Variants in COL1A2 observed in about 807,000 individuals in gnomAD.
COL1A2 encodes collagen alpha-2(I) chain.
Under a neutral mutation model 174.3 loss-of-function variants are expected in COL1A2, and 49 were observed. The observed-to-expected ratio is 0.28, with a 90% CI of 0.22 to 0.36. The LOEUF (loss-of-function observed/expected upper bound fraction) is 0.36, where lower values mean the gene tolerates loss of function less well. Ranked by LOEUF, COL1A2 falls within the 10% of genes least tolerant of loss-of-function variation. The pLI, the probability that COL1A2 is intolerant of heterozygous loss-of-function variation, is 1.00. For missense variants in COL1A2, 1,438 were observed against 1,822.7 expected (o/e 0.79, Z 3.84); for synonymous variants, 655 against 606.6 (o/e 1.08, Z -1.17).
chr7:94,423,626 C>G, intron 40 of COL1A2: 1 of 172,220 alleles, frequency 5.8e-6, no homozygotes, highest in South Asian at 1.3e-4. Flanking sequence ...ATGGAGTTCC[C>G]CTCTGTTGCC....
intron 5 of COL1A2, 31 bp downstream of exon 5, chr7:94,400,319 G>C: frequency 6.4e-7 from 1 of 1,572,334 alleles, no homozygotes; most frequent in Non-Finnish European, 8.8e-7. Flanking sequence ...CTAACTTTTA[G>C]CTAACTTCAG....
At chr7:94,424,042 C>T in intron 40 of COL1A2, 1 of 383,348 alleles carries the variant, frequency 2.6e-6, no homozygotes, top group Non-Finnish European at 4.9e-6. Flanking sequence ...GTTTCCCTGC[C>T]TAGAGGCTAT....
intron 24 of COL1A2, 122 bp from the exon 25 acceptor site, chr7:94,412,462 G>T: frequency 1.3e-6 from 1 of 774,306 alleles, no homozygotes; most frequent in Non-Finnish European, 2.2e-6. Flanking sequence ...ATTTATTAAC[G>T]CTTTATACAA....
In COL1A2 at chr7:94,426,554, C is replaced by G. The variant is rs761406307; in HGVS notation, c.3105+24C>G. On this transcript the variant is annotated intron_variant, in intron 46 of 51. Transcript: ENST00000297268. ...CTGTAAGTAAACTGTAGCCATCTCG[C>G]ACATAAACTGATCCTGAAGGCCTTC... is the stretch of plus-strand genomic sequence containing the variant. 4 of 1,549,416 alleles carry G rather than the reference C, an allele frequency of 2.6e-6. No homozygotes were observed. In the African/African-American group the frequency reaches 5.4e-5, roughly 21 times the overall value.
rs1791789588 is a variant in COL1A2, at chr7:94,406,117, A to T, written c.541-133A>T. 4 of 890,956 alleles carry T rather than the reference A, an allele frequency of 4.5e-6. No individual in the cohort carries two copies. The Admixed American group carries it at 7.9e-5, about 18-fold the overall frequency. The allele number at this position is 890,956 out of a possible 1,614,324, so 55.2% of individuals were successfully genotyped here. On this transcript the variant is annotated intron_variant, in intron 11 of 51. Transcript: ENST00000297268. ...ATAGACTGAGTTTGCTGGGACCTGG[A>T]ACACTGGACTTCTTTCTACTGCAGC...
At chr7:94,408,727 T>C in intron 15 of COL1A2, 43 bp from the exon 16 acceptor site, 1 of 1,606,262 alleles carries the variant, frequency 6.2e-7, no homozygotes, top group Non-Finnish European at 8.5e-7. Flanking sequence ...TTTTCTTAAT[T>C]TACTTGGAGG....
Position 94,419,490 on chromosome 7 carries a change from G to A in COL1A2, c.2026-8G>A. ...TATTAATAAGACATGTTTCCTTTTT[G>A]GTACTAGGGTGCTCCTGGTGCTGTA... On this transcript the variant is annotated splice_region_variant and splice_polypyrimidine_tract_variant and intron_variant, in intron 33 of 51. Coordinates refer to ENST00000297268, the MANE Select transcript of COL1A2 (RefSeq NM_000089.4). 6.2e-7 allele frequency: 1 copy of A among 1,613,822 alleles called. No individual in the cohort carries two copies. Among genetic ancestry groups the A allele is most frequent in the Non-Finnish European group, 8.5e-7 (1 of 1,179,904 alleles).
intron 33 of COL1A2, 25 bp downstream of exon 33, chr7:94,418,577 T>G (rs1792090180): frequency 6.3e-7 from 1 of 1,592,522 alleles, no homozygotes; most frequent in Middle Eastern, 1.7e-4. Context: ...GTTTGTATGT[T>G]TCTTCGTACT....
rs563552206 is a variant in COL1A2 at position 94,430,361 on chromosome 7, T to G, written c.4069T>G (p.Phe1357Val). The G allele has an allele frequency of 1.2e-6, 2 of 1,614,092 alleles. No homozygotes were observed. Among genetic ancestry groups the G allele is most frequent in the Non-Finnish European group, 1.7e-6 (2 of 1,179,964 alleles). The change falls in exon 52 of 52, where the codon TTT becomes GTT. Residue 1357 changes from phenylalanine (F) to valine (V), a missense_variant. By Grantham distance (50) the Phe-to-Val change is conservative. Around this residue, in one of 3 missense-constraint regions of COL1A2, gnomAD observed 290 missense variants for 298.1 expected, o/e 0.97. Coordinates refer to ENST00000297268, the MANE Select transcript of COL1A2 (RefSeq NM_000089.4). The part of the protein sequence containing the change: ...LDIGGADQEF[F>V]VDIGPVCFK ...CATCGGTGGTGCTGACCAGGAATTC[T>G]TTGTGGACATTGGCCCAGTCTGTTT...
In COL1A2 at chr7:94,425,007, T is replaced by C. The variant is rs1792244361; in HGVS notation, c.2674-110T>C. ...CATTGTGTGACCCATTCACATTCAA[T>C]TTACCTTCTTCCTTCAAACTAGAAT... is the stretch of plus-strand genomic sequence containing the variant. On this transcript the variant is annotated intron_variant, in intron 41 of 51. Coordinates refer to ENST00000297268, the MANE Select transcript of COL1A2 (RefSeq NM_000089.4). 3.3e-6 allele frequency: 3 copies of C among 907,078 alleles called. No individual in the cohort carries two copies. The Admixed American group carries it at 5.9e-5, about 18-fold the overall frequency. 56.2% of individuals were successfully genotyped at this position (907,078 alleles called of 1,614,324 possible).
At chr7:94,427,083 C>T (rs780448919) in intron 47 of COL1A2, 22 bp downstream of exon 47, 2 of 1,612,726 alleles carry the variant, frequency 1.2e-6, no homozygotes, top group Non-Finnish European at 1.7e-6. Context: ...CAAGAGAAGA[C>T]AGTTCATCTC....
intron 6 of COL1A2, 48 bp from the exon 7 acceptor site, chr7:94,404,508 A>G (rs1160135562): frequency 6.2e-7 from 1 of 1,603,974 alleles, no homozygotes. Flanking sequence ...AGCCAACACC[A>G]TGACAACTTA....
At chr7:94,423,406 T>C (rs1334655804) in intron 40 of COL1A2, 5 of 438,450 alleles carry the variant, frequency 1.1e-5, no homozygotes, top group Non-Finnish European at 2.1e-5. Flanking sequence ...CAGAGTCCCA[T>C]TGCTGTGGCC....
chr7:94,405,175 ACT>A (rs754855072), intron 9 of COL1A2, 22 bp from the exon 10 acceptor site: 3 of 1,613,290 alleles, frequency 1.9e-6, no homozygotes, highest in Non-Finnish European at 2.5e-6. Flanking sequence ...GAAGAAGTTG[ACT>A]CTACAATGTT....
rs748798643 is a variant in COL1A2, at chr7:94,400,177, C to T, written c.133-19C>T. On this transcript the variant is annotated intron_variant, in intron 4 of 51. Coordinates refer to ENST00000297268, the MANE Select transcript of COL1A2 (RefSeq NM_000089.4). Reference sequence around the variant, plus strand: ...ACAGGGCCTGTCTAACCTGACCTTACTCACTTTTTACATAACAGGGTCCAC... The same window carrying T: ...ACAGGGCCTGTCTAACCTGACCTTATTCACTTTTTACATAACAGGGTCCAC... 3 of 1,612,624 alleles carry T rather than the reference C, an allele frequency of 1.9e-6. No homozygotes were observed. Among genetic ancestry groups the T allele is most frequent in the African/African-American group, 2.7e-5 (2 of 74,854 alleles).
chr7:94,405,858 T>TA, intron 11 of COL1A2, 132 bp downstream of exon 11: 1 of 830,920 alleles, frequency 1.2e-6, no homozygotes, highest in Admixed American at 1.9e-5. Flanking sequence ...AAGAAAGAGT[T>TA]AAAGAGTCAG....
chr7:94,416,754 CTT>C (rs1476312974), intron 31 of COL1A2: 1 of 510,664 alleles, frequency 2.0e-6, no homozygotes, highest in Admixed American at 3.4e-5. Context: ...GGTTGTCACT[CTT>C]TTCTCCTCAC....
Position 94,404,736 on chromosome 7 carries a change from C to T in COL1A2, c.368C>T (p.Pro123Leu). Residue 123 changes from proline to leucine, a missense_variant, in exon 8 of 52, where the codon CCT (proline) becomes CTT (leucine). Coordinates refer to ENST00000297268, the MANE Select transcript of COL1A2 (RefSeq NM_000089.4). ...GGACCTGCTGGTGAGCCTGGTGAAC[C>T]TGGTCAAACTGTGAGTACATTTTTC... ...FQGPAGEPGE[P>L]GQTGPAGARG... The T allele has an allele frequency of 6.2e-7, 1 of 1,614,080 alleles. No homozygotes were observed. The highest frequency in any genetic ancestry group is 8.5e-7 in the Non-Finnish European group (1 of 1,180,002).
Position 94,420,230 on chromosome 7 carries a change from T to C in COL1A2, c.2080-3T>C, listed in dbSNP as rs1792128680. 6.2e-7 allele frequency: 1 copy of C among 1,613,356 alleles called. No homozygotes were observed. The stretch of plus-strand genomic sequence containing the variant: ...AACAGATTCATCTTTGGTCCCATTA[T>C]AGGGCGAAGCTGGGGCTGCTGGTCC... On this transcript the variant is annotated splice_region_variant and splice_polypyrimidine_tract_variant and intron_variant, in intron 34 of 51. Coordinates refer to ENST00000297268, the MANE Select transcript of COL1A2 (RefSeq NM_000089.4).
Sources: gnomAD v4.1 joint callset for allele counts on GRCh38, gnomAD v4.1.1 for gene constraint, gnomAD v4.1.1 regional missense constraint, MANE v1.5 for transcripts, NCBI Gene and HGNC (gene_info 2026-07-23, HGNC 2026-07-21) for gene names.